The following ZFHX3 variants were observed in gnomAD, a reference collection of about 807,000 sequenced individuals.
The protein encoded by ZFHX3 is zinc finger homeobox 3.
ZFHX3 carries 42 observed loss-of-function variants against 279.1 expected under a neutral mutation model. The observed-to-expected ratio is 0.15, with a 90% CI of 0.12 to 0.19. The LOEUF is 0.19. Ranked by LOEUF, ZFHX3 falls within the 10% of genes least tolerant of loss-of-function variation. The pLI, the probability that ZFHX3 is intolerant of heterozygous loss-of-function variation, is 1.00. For synonymous variants in ZFHX3, 2,293 were observed against 1,957.8 expected, an observed-to-expected ratio of 1.17 and a Z score of -4.52; for missense variants, 4,981 against 4,754.0, an observed-to-expected ratio of 1.05 and a Z score of -1.40.
At chr16:73,112,086 G>T (rs568778642) in intron 7 of ZFHX3, among the ~76,000 whole-genome samples, 3 of 152,074 alleles carry the variant, frequency 2.0e-5, no homozygotes, top group Non-Finnish European at 4.4e-5. Flanking sequence ...AGGTGCTCTA[G>T]AAAACACCTG....
Position 73,194,344 on chromosome 16 carries a change from C to T in ZFHX3, c.-1103-50513G>A, listed in dbSNP as rs1211281738. On this transcript the variant is annotated intron_variant, in intron 5 of 17. Transcript: ENST00000641206. Reference sequence around the variant, plus strand: ...CCTCCAGAGTAGCTGGCACTATAGGCGTGCACCACCACCCCCAGCTAATTT... The same window carrying T: ...CCTCCAGAGTAGCTGGCACTATAGGTGTGCACCACCACCCCCAGCTAATTT... 3.3e-5 allele frequency among the ~76,000 whole-genome samples: 5 copies of T among 152,126 alleles called. No individual in the cohort carries two copies. The South Asian group carries it at 8.3e-4, about 25-fold the overall frequency.
At position 73,645,936 on chromosome 16, in the gene ZFHX3, G is replaced by C. The variant is rs77561677; in HGVS notation, c.-1547+34244C>G. ...GTCTTGTGTAGCTCATTCTCCTAAA[G>C]CCAAACCCTAGGAATTCTTAGTGTT... On this transcript the variant is annotated intron_variant, in intron 2 of 17. Coordinates refer to the ZFHX3 transcript ENST00000641206. 2.3e-3 allele frequency among the ~76,000 whole-genome samples: 351 copies of C among 152,252 alleles called. 7 individuals carry two copies. The East Asian group carries it at 0.055, about 24-fold the overall frequency.
In ZFHX3 at chr16:72,794,741, G is replaced by A. The variant is rs371411472; in HGVS notation, c.7941C>T (p.Thr2647=). The part of the protein sequence containing the change: ...EPQRDKRLRT[T]ITPEQLEILY... Reference sequence around the variant, plus strand: ...GAATTTCTAGTTGTTCCGGTGTGATGGTTGTTCTCAAACGCTTGTCTCTCT... The same window carrying A: ...GAATTTCTAGTTGTTCCGGTGTGATAGTTGTTCTCAAACGCTTGTCTCTCT... Residue 2647 remains threonine, a synonymous_variant, in exon 9 of 10, where the codon ACC becomes ACT. Transcript: ENST00000268489. This position sits in a 1 kb window ranked among gnomAD's most constrained non-coding sequence, Gnocchi z 4.2. 3 of 1,614,108 alleles carry A rather than the reference G, an allele frequency of 1.9e-6. No homozygotes were observed. Among genetic ancestry groups the A allele is most frequent in the South Asian group, 1.1e-5 (1 of 91,088 alleles).
chr16:73,644,165 C>T (rs12149694), intron 2 of ZFHX3, among the ~76,000 whole-genome samples: 11,512 of 152,002 alleles, frequency 0.076, 484 homozygotes, highest in Middle Eastern at 0.092. Context: ...CCTTTCTCTC[C>T]GGTTTATACC....
At chr16:73,133,649 T>C (rs1966737207) in intron 6 of ZFHX3, among the ~76,000 whole-genome samples, 2 of 152,162 alleles carry the variant, frequency 1.3e-5, no homozygotes, top group Admixed American at 6.5e-5. Context: ...GCCAACACCT[T>C]GATCTTGGGC....
intron 3 of ZFHX3, among the ~76,000 whole-genome samples, chr16:72,948,803 C>A (rs1183826578): frequency 2.0e-5 from 3 of 152,154 alleles, no homozygotes; most frequent in Non-Finnish European, 4.4e-5. Flanking sequence ...TTTGGAAATT[C>A]TTTTTTCCAC....
intron 1 of ZFHX3, among the ~76,000 whole-genome samples, chr16:72,984,595 C>A (rs1001235593): frequency 3.3e-5 from 5 of 150,304 alleles, no homozygotes; most frequent in Non-Finnish European, 7.4e-5. Flanking sequence ...CACTCCACTC[C>A]TGCCTGGGCC....
At chr16:73,029,696 C>T (rs192778200) in intron 1 of ZFHX3, among the ~76,000 whole-genome samples, 32 of 152,326 alleles carry the variant, frequency 2.1e-4, no homozygotes, top group African/African-American at 6.0e-4. Context: ...AAGTGGGAAT[C>T]CCAGCAGGGA....
intron 1 of ZFHX3, among the ~76,000 whole-genome samples, chr16:73,861,889 T>C (rs1961889707): frequency 6.6e-6 from 1 of 152,234 alleles, no homozygotes. Context: ...ATCATTCATA[T>C]GGAAGTAAAA....
intron 3 of ZFHX3, among the ~76,000 whole-genome samples, chr16:72,939,685 C>T (rs974082767): frequency 6.6e-6 from 1 of 152,172 alleles, no homozygotes; most frequent in East Asian, 1.9e-4. Context: ...GTCAGGAGTT[C>T]GAGACCAGCC....
intron 4 of ZFHX3, among the ~76,000 whole-genome samples, chr16:73,274,465 C>T (rs2014239222): frequency 1.3e-5 from 2 of 152,152 alleles, no homozygotes; most frequent in African/African-American, 2.4e-5. Context: ...ATGTTCTATT[C>T]TATAACTTTC....
Position 73,592,871 on chromosome 16 carries a change from A to G in ZFHX3, c.-1547+87309T>C, listed in dbSNP as rs1267371627. On this transcript the variant is annotated intron_variant, in intron 2 of 17. Transcript: ENST00000641206. ...TTTTAAAAGATTAATAAAAACAAAG[A>G]AACTACTGGTAAGACAAACCAAGAA... 2.0e-5 allele frequency among the ~76,000 whole-genome samples: 3 copies of G among 152,152 alleles called. No homozygotes were observed. In the East Asian group the frequency reaches 5.8e-4, roughly 29 times the overall value.
chr16:73,317,203 T>C (rs1352805585), intron 4 of ZFHX3, among the ~76,000 whole-genome samples: 2 of 146,006 alleles, frequency 1.4e-5, no homozygotes, highest in Non-Finnish European at 3.0e-5. Context: ...GTATAACTAC[T>C]GCTGAGGTTC....
At chr16:72,897,884 G>A (rs1339750417) in intron 3 of ZFHX3, among the ~76,000 whole-genome samples, 1 of 152,142 alleles carries the variant, frequency 6.6e-6, no homozygotes, top group Non-Finnish European at 1.5e-5. Context: ...ACCAGAGCCT[G>A]AGACTTGAGT....
chr16:73,349,887 C>T (rs2890062), intron 3 of ZFHX3, among the ~76,000 whole-genome samples: 123,543 of 142,190 alleles, frequency 0.87, 54,060 homozygotes, highest in Non-Finnish European at 0.91. Context: ...CTCTTCTTTA[C>T]TCCCCTTCTT....
intron 3 of ZFHX3, among the ~76,000 whole-genome samples, chr16:72,912,895 T>C (rs1285988907): frequency 6.6e-6 from 1 of 152,072 alleles, no homozygotes; most frequent in Non-Finnish European, 1.5e-5. Context: ...TGGCTAATTT[T>C]TGTATTTTTA....
intron 1 of ZFHX3, among the ~76,000 whole-genome samples, chr16:72,979,897 T>C (rs4238967): frequency 0.76 from 116,037 of 152,122 alleles, 44,410 homozygotes; most frequent in Middle Eastern, 0.8. Flanking sequence ...CTAGGTATGC[T>C]TTTAAAGGTA....
intron 2 of ZFHX3, among the ~76,000 whole-genome samples, chr16:73,642,635 C>T (rs1240445198): frequency 6.6e-6 from 1 of 152,078 alleles, no homozygotes; most frequent in Non-Finnish European, 1.5e-5. Flanking sequence ...TGTGTTAATA[C>T]ATTATATAAA....
intron 5 of ZFHX3, among the ~76,000 whole-genome samples, chr16:73,253,360 G>A (rs1029578625): frequency 6.6e-6 from 1 of 152,104 alleles, no homozygotes; most frequent in Non-Finnish European, 1.5e-5. Flanking sequence ...GAAAGAGAAA[G>A]TTAAATACAC....
Sources: gnomAD v4.1 joint callset for allele counts (sites outside exome capture counted in the v4.1 genomes callset) on GRCh38, gnomAD v4.1.1 for gene constraint, Gnocchi (gnomAD v3.1) non-coding constraint, MANE v1.5 for transcripts, NCBI Gene and HGNC (gene_info 2026-07-23, HGNC 2026-07-21) for gene names.